Variants in NKAIN2 observed in about 807,000 individuals in gnomAD.
NKAIN2 encodes the protein sodium/potassium transporting ATPase interacting 2.
NKAIN2 carries 14 observed loss-of-function variants against 32.6 expected under a neutral mutation model. That is an observed-to-expected ratio of 0.43 (90% CI 0.28 to 0.67). The LOEUF is 0.67. Among genes scored for constraint, NKAIN2 ranks in the 30% least tolerant of loss-of-function variants. The pLI, the probability that NKAIN2 is intolerant of heterozygous loss-of-function variation, is 0.17. For synonymous variants in NKAIN2, 80 were observed against 87.2 expected (o/e 0.92, Z 0.46); for missense variants, 198 against 258.3 (o/e 0.77, Z 1.60).
At chr6:124,311,846 G>T (rs1178178231) in intron 2 of NKAIN2, among the ~76,000 whole-genome samples, 1 of 152,066 alleles carries the variant, frequency 6.6e-6, no homozygotes, top group Non-Finnish European at 1.5e-5. Flanking sequence ...TAAAAAATAT[G>T]TATTTTTTAG....
chr6:123,992,053 A>G (rs952001035), intron 1 of NKAIN2, among the ~76,000 whole-genome samples: 4 of 152,174 alleles, frequency 2.6e-5, no homozygotes, highest in Admixed American at 6.5e-5. Flanking sequence ...CAAAAACAAC[A>G]AAGAAACTAA....
chr6:124,692,827 A>T (rs977492625), intron 4 of NKAIN2, among the ~76,000 whole-genome samples: 4 of 152,146 alleles, frequency 2.6e-5, no homozygotes, highest in South Asian at 2.1e-4. Context: ...AAGAAAAAAA[A>T]AAATATATGT....
At chr6:124,489,582 A>T (rs1008212302) in intron 3 of NKAIN2, among the ~76,000 whole-genome samples, 1 of 151,902 alleles carries the variant, frequency 6.6e-6, no homozygotes, top group African/African-American at 2.4e-5. Flanking sequence ...CATCTAACAG[A>T]AACCTATTTT....
intron 1 of NKAIN2, among the ~76,000 whole-genome samples, chr6:124,271,324 C>T (rs1228833759): frequency 6.6e-6 from 1 of 152,164 alleles, no homozygotes. Flanking sequence ...TCACGCCATT[C>T]TCCTGCCTCA....
intron 3 of NKAIN2, among the ~76,000 whole-genome samples, chr6:124,548,596 G>T (rs2114861451): frequency 6.6e-6 from 1 of 152,280 alleles, no homozygotes; most frequent in Non-Finnish European, 1.5e-5. Context: ...GAAGAGGAAA[G>T]GTCTTCACAG....
chr6:124,439,119 A>G (rs1775583035), intron 3 of NKAIN2, among the ~76,000 whole-genome samples: 1 of 152,134 alleles, frequency 6.6e-6, no homozygotes, highest in African/African-American at 2.4e-5. Context: ...AGCTAATGGC[A>G]TCTCCAAAGT....
intron 4 of NKAIN2, among the ~76,000 whole-genome samples, chr6:124,688,708 T>A (rs553767185): frequency 6.6e-6 from 1 of 152,262 alleles, no homozygotes; most frequent in East Asian, 1.9e-4. Flanking sequence ...TTTTCCAGAA[T>A]GTCATATAGT....
At chr6:124,673,136 G>A (rs1038744167) in intron 4 of NKAIN2, among the ~76,000 whole-genome samples, 2 of 152,058 alleles carry the variant, frequency 1.3e-5, no homozygotes, top group Non-Finnish European at 2.9e-5. Flanking sequence ...GTGGAATCAT[G>A]TAGTATCTGT....
At chr6:124,424,916 A>G (rs1774917178) in intron 3 of NKAIN2, among the ~76,000 whole-genome samples, 1 of 152,192 alleles carries the variant, frequency 6.6e-6, no homozygotes, top group East Asian at 1.9e-4. Context: ...TCCTTTGAAT[A>G]TATACCCAGA....
intron 3 of NKAIN2, among the ~76,000 whole-genome samples, chr6:124,583,543 A>G (rs680773): frequency 0.9 from 136,208 of 152,164 alleles, 61,220 homozygotes; most frequent in Non-Finnish European, 0.93. Context: ...TCTATACTAC[A>G]TAAAGCGATC....
chr6:124,123,770 T>C (rs1266067566), intron 1 of NKAIN2, among the ~76,000 whole-genome samples: 1 of 152,138 alleles, frequency 6.6e-6, no homozygotes, highest in Non-Finnish European at 1.5e-5. Context: ...CTGGGCTCTT[T>C]AGCCTGTTTT....
At chr6:124,292,838 T>A (rs2753156) in intron 2 of NKAIN2, among the ~76,000 whole-genome samples, 44,942 of 151,846 alleles carry the variant, frequency 0.3, 9,143 homozygotes, top group African/African-American at 0.58. Context: ...TTTACTACTG[T>A]AATGTATTTT....
intron 1 of NKAIN2, among the ~76,000 whole-genome samples, chr6:123,919,836 A>G: frequency 6.6e-6 from 1 of 152,132 alleles, no homozygotes; most frequent in East Asian, 1.9e-4. Context: ...AAGCCATGAT[A>G]TTGATAAAGA....
chr6:124,760,230 A>G (rs552828558), intron 4 of NKAIN2, among the ~76,000 whole-genome samples: 10 of 152,116 alleles, frequency 6.6e-5, no homozygotes, highest in African/African-American at 2.2e-4. Flanking sequence ...GAAGGGAACA[A>G]TAGACACTGG....
At chr6:124,248,222 ATCT>A (rs1278431742) in intron 1 of NKAIN2, among the ~76,000 whole-genome samples, 2 of 152,120 alleles carry the variant, frequency 1.3e-5, no homozygotes, top group African/African-American at 2.4e-5. Context: ...TTTTCTAGTA[ATCT>A]TCTTTTGTCC....
chr6:123,875,234 A>G (rs1773117922), intron 1 of NKAIN2, among the ~76,000 whole-genome samples: 1 of 152,040 alleles, frequency 6.6e-6, no homozygotes, highest in Non-Finnish European at 1.5e-5. Flanking sequence ...TTTCCTTAGC[A>G]TAAATTCCTA....
At chr6:124,273,434 C>T (rs1468376731) in intron 1 of NKAIN2, among the ~76,000 whole-genome samples, 1 of 152,180 alleles carries the variant, frequency 6.6e-6, no homozygotes, top group Non-Finnish European at 1.5e-5. Context: ...CCTGAGGCCT[C>T]CCAGACATGC....
Position 124,001,198 on chromosome 6 carries a change from C to CT in NKAIN2, c.54+196955dup, listed in dbSNP as rs544464075. Among the ~76,000 whole-genome samples the CT allele has an allele frequency of 7.4e-3, 1,076 of 145,334 alleles. 5 individuals are homozygous for CT. Among genetic ancestry groups the CT allele is most frequent in the Middle Eastern group, 0.014 (4 of 278 alleles). On this transcript the variant is annotated intron_variant, in intron 1 of 6. Transcript: ENST00000368417. Reference sequence around the variant, plus strand: ...TTTTGGAGTGACTTTAGTTTGTAAACTTTTTTTTTTTGGCTCTTTAAAGGG... The same window carrying CT: ...TTTTGGAGTGACTTTAGTTTGTAAACTTTTTTTTTTTTGGCTCTTTAAAGGG...
intron 1 of NKAIN2, among the ~76,000 whole-genome samples, chr6:123,952,139 C>T (rs1777357333): frequency 6.6e-6 from 1 of 151,866 alleles, no homozygotes. Flanking sequence ...TATATTTCTC[C>T]CTCATTTATG....
Sources: allele counts gnomAD v4.1 joint callset (sites outside exome capture counted in the v4.1 genomes callset), GRCh38; gene constraint gnomAD v4.1.1; transcripts MANE v1.5; gene names NCBI Gene and HGNC (gene_info 2026-07-23, HGNC 2026-07-21).